RAI1: variants seen among roughly 807,000 people sequenced by gnomAD.
The protein encoded by RAI1 is retinoic acid induced 1.
A neutral mutation model predicts 123.8 loss-of-function variants in RAI1; 9 were observed. The observed-to-expected ratio is 0.07, with a 90% CI of 0.04 to 0.13. The LOEUF (loss-of-function observed/expected upper bound fraction) is 0.13, where lower values mean the gene tolerates loss of function less well. Among genes scored for constraint, RAI1 ranks in the 10% least tolerant of loss-of-function variants. The probability of loss-of-function intolerance (pLI) is 1.00; values close to 1 mark genes in which losing one functional copy is unlikely to be tolerated. For missense variants in RAI1, 2,256 were observed against 2,545.8 expected (o/e 0.89, Z 2.45); for synonymous variants, 1,231 against 1,127.3 (o/e 1.09, Z -1.84).
chr17:17,685,549 G>A lies in RAI1; in HGVS notation c.-149+3756G>A, dbSNP rs1232081784. Among the ~76,000 whole-genome samples the A allele has an allele frequency of 6.6e-6, 1 of 152,222 alleles. No homozygotes were observed. Among genetic ancestry groups the A allele is most frequent in the Non-Finnish European group, 1.5e-5 (1 of 68,046 alleles). On this transcript the variant is annotated intron_variant, in intron 1 of 5. Coordinates refer to ENST00000353383, the MANE Select transcript of RAI1 (RefSeq NM_030665.4). The surrounding 1 kb of genome is among the most constrained non-coding windows in gnomAD (Gnocchi z 4.0). ...GAAGGGATGTGGCCTGTGTGCTGTA[G>A]CCAAACAAGAGGGGAGGACTTGGCT...
intron 2 of RAI1, among the ~76,000 whole-genome samples, chr17:17,731,281 T>G (rs988361479): frequency 2.6e-5 from 4 of 152,236 alleles, no homozygotes; most frequent in Non-Finnish European, 5.9e-5. Flanking sequence ...CCACAGTGTC[T>G]GCTGATGGCG....
At chr17:17,802,607 T>C (rs1394136819) in intron 3 of RAI1, among the ~76,000 whole-genome samples, 1 of 151,994 alleles carries the variant, frequency 6.6e-6, no homozygotes, top group Non-Finnish European at 1.5e-5. Context: ...AAACCCCGTC[T>C]CTACTAAAAA....
At chr17:17,691,288 C>T (rs1045631034) in intron 1 of RAI1, among the ~76,000 whole-genome samples, 6 of 152,110 alleles carry the variant, frequency 3.9e-5, no homozygotes, top group African/African-American at 7.2e-5. Flanking sequence ...CACAAGGCAG[C>T]CCCCGGAACC....
intron 1 of RAI1, among the ~76,000 whole-genome samples, chr17:17,692,336 T>C (rs1254133352): frequency 6.6e-6 from 1 of 152,208 alleles, no homozygotes; most frequent in Non-Finnish European, 1.5e-5. Context: ...CTGGTTCCTC[T>C]AATATGTGAA....
At chr17:17,688,025 CAA>C (rs61049701) in intron 1 of RAI1, among the ~76,000 whole-genome samples, 35,280 of 89,258 alleles carry the variant, frequency 0.4, 4,999 homozygotes, top group South Asian at 0.69. Context: ...GACTCTGTCT[CAA>C]AAAAAAAAAA....
intron 1 of RAI1, among the ~76,000 whole-genome samples, chr17:17,722,585 G>C (rs964957495): frequency 4.6e-5 from 7 of 152,198 alleles, no homozygotes; most frequent in Admixed American, 4.6e-4. Flanking sequence ...TCTTTGTCTC[G>C]GCCTAGTTCT....
intron 1 of RAI1, among the ~76,000 whole-genome samples, chr17:17,712,369 G>A (rs964678213): frequency 6.6e-6 from 1 of 152,224 alleles, no homozygotes; most frequent in Non-Finnish European, 1.5e-5. Context: ...GGGTGGAAGG[G>A]GCAGCTAGTG....
chr17:17,709,610 C>A (rs944735087), intron 1 of RAI1, among the ~76,000 whole-genome samples: 1 of 152,180 alleles, frequency 6.6e-6, no homozygotes, highest in African/African-American at 2.4e-5. Flanking sequence ...TTCCCTGGGT[C>A]TGCCCCCAGG....
chr17:17,752,489 CG>C (rs921009812), intron 2 of RAI1, among the ~76,000 whole-genome samples: 1 of 152,194 alleles, frequency 6.6e-6, no homozygotes, highest in African/African-American at 2.4e-5. Context: ...ACAGCCGCCC[CG>C]GGAGCCTGGG....
chr17:17,774,359 C>T (rs2031263885), intron 2 of RAI1, among the ~76,000 whole-genome samples: 1 of 152,264 alleles, frequency 6.6e-6, no homozygotes, highest in Non-Finnish European at 1.5e-5. Flanking sequence ...CCAAAGACTC[C>T]TGAGGCCCTG....
At chr17:17,752,486 C>T (rs1387136287) in intron 2 of RAI1, among the ~76,000 whole-genome samples, 1 of 152,194 alleles carries the variant, frequency 6.6e-6, no homozygotes, top group African/African-American at 2.4e-5. Context: ...GGAACAGCCG[C>T]CCCGGGAGCC....
At position 17,794,169 on chromosome 17, in the gene RAI1, G is replaced by A. The variant is rs1200531343; in HGVS notation, c.1221G>A (p.Val407=). Residue 407 remains valine, a synonymous_variant, in exon 3 of 6, where the codon GTG becomes GTA. Coordinates refer to ENST00000353383, the MANE Select transcript of RAI1 (RefSeq NM_030665.4). The part of the protein sequence containing the change: ...NPSPTDATSS[V]DTQAGNCKPL... ...CCCCAACGGATGCCACCAGCTCTGT[G>A]GACACCCAGGCTGGCAACTGCAAGC... 6.2e-7 allele frequency: 1 copy of A among 1,613,826 alleles called. No homozygotes were observed. The highest frequency in any genetic ancestry group is 2.2e-5 in the East Asian group (1 of 44,884).
chr17:17,783,064 TG>T (rs1487072346), intron 2 of RAI1, among the ~76,000 whole-genome samples: 1 of 290 alleles, frequency 3.4e-3, no homozygotes, highest in African/African-American at 0.012. Flanking sequence ...AGATGAATGA[TG>T]GGGGCTGGTG....
chr17:17,758,639 C>T (rs570883692), intron 2 of RAI1, among the ~76,000 whole-genome samples: 98 of 152,368 alleles, frequency 6.4e-4, no homozygotes, highest in African/African-American at 2.4e-3. Context: ...AAAACAAAGA[C>T]AAAAGGCCCA....
intron 2 of RAI1, among the ~76,000 whole-genome samples, chr17:17,788,097 G>A (rs1027944277): frequency 2.0e-5 from 3 of 152,110 alleles, no homozygotes; most frequent in Admixed American, 2.0e-4. Context: ...CTATAGAGAG[G>A]GTATGTTGGT....
chr17:17,770,103 G>A (rs944583775), intron 2 of RAI1, among the ~76,000 whole-genome samples: 1 of 152,104 alleles, frequency 6.6e-6, no homozygotes, highest in Non-Finnish European at 1.5e-5. Flanking sequence ...AGGGGCGGGA[G>A]GATGAGGGAT....
At chr17:17,792,437 G>T (rs924569250) in intron 2 of RAI1, among the ~76,000 whole-genome samples, 1 of 152,182 alleles carries the variant, frequency 6.6e-6, no homozygotes, top group East Asian at 1.9e-4. Flanking sequence ...GCTTGAACAC[G>T]GTCGCGAAGG....
At position 17,796,106 on chromosome 17, in the gene RAI1, C is replaced by G; in HGVS notation, c.3158C>G (p.Pro1053Arg). The G allele has an allele frequency of 6.3e-7, 1 of 1,584,752 alleles. No homozygotes were observed. Among genetic ancestry groups the G allele is most frequent in the South Asian group, 1.1e-5 (1 of 87,746 alleles). The change falls in exon 3 of 6, where the codon CCC becomes CGC. Residue 1053 changes from proline (P) to arginine (R), a missense_variant. By Grantham distance (103) the Pro-to-Arg change is moderately radical (BLOSUM62 -2). Transcript: ENST00000353383. The surrounding 1 kb of genome is among the most constrained non-coding windows in gnomAD (Gnocchi z 5.8). ...APGRGASEGL[P>R]RMCTRSLTAL... ...GGCCGGGGGGCCTCGGAAGGGCTCC[C>G]CAGGATGTGTACTCGTTCTCTCACG... is the stretch of plus-strand genomic sequence containing the variant.
rs767613627 is a variant in RAI1, at chr17:17,793,401, G to A, written c.453G>A (p.Val151=). The A allele has an allele frequency of 1.2e-5, 20 of 1,613,634 alleles. No homozygotes were observed. The East Asian group carries it at 4.2e-4, about 34-fold the overall frequency. ...YDENLMKKTA[V]PPSRQYAEQG... Reference sequence around the variant, plus strand: ...AGAACTTGATGAAAAAGACAGCAGTGCCCCCCAGCAGGCAGTATGCAGAGC... The same window carrying A: ...AGAACTTGATGAAAAAGACAGCAGTACCCCCCAGCAGGCAGTATGCAGAGC... Residue 151 remains valine, a synonymous_variant, in exon 3 of 6, where the codon GTG becomes GTA. Transcript: ENST00000353383.
Sources: gnomAD v4.1 joint callset for allele counts (sites outside exome capture counted in the v4.1 genomes callset) on GRCh38, gnomAD v4.1.1 for gene constraint, Gnocchi (gnomAD v3.1) non-coding constraint, MANE v1.5 for transcripts, NCBI Gene and HGNC (gene_info 2026-07-23, HGNC 2026-07-21) for gene names.